Variants in CAMK4 observed in about 807,000 individuals in gnomAD.
CAMK4 encodes calcium/calmodulin dependent protein kinase IV, also known as calcium/calmodulin-dependent protein kinase type IV.
Under a neutral mutation model 44.9 loss-of-function variants are expected in CAMK4, and 22 were observed. That is an observed-to-expected ratio of 0.49 (90% CI 0.35 to 0.70). The LOEUF (loss-of-function observed/expected upper bound fraction) is 0.70, where lower values mean the gene tolerates loss of function less well. Among genes scored for constraint, CAMK4 ranks in the 30% least tolerant of loss-of-function variants. The pLI is 0.01. For missense variants in CAMK4, 498 were observed against 586.8 expected, an observed-to-expected ratio of 0.85 and a Z score of 1.56; for synonymous variants, 218 against 215.4, an observed-to-expected ratio of 1.01 and a Z score of -0.11.
intron 1 of CAMK4, among the ~76,000 whole-genome samples, chr5:111,236,442 T>C (rs1487780875): frequency 6.6e-6 from 1 of 152,266 alleles, no homozygotes; most frequent in Non-Finnish European, 1.5e-5. Context: ...TTCACAAGGA[T>C]GAGCCTGAGG....
chr5:111,419,359 G>A (rs1752936011), intron 5 of CAMK4, among the ~76,000 whole-genome samples: 1 of 152,148 alleles, frequency 6.6e-6, no homozygotes, highest in South Asian at 2.1e-4. Context: ...TGTCAGATGA[G>A]TAGGTTGTGA....
At chr5:111,407,074 C>A (rs1372455388) in intron 5 of CAMK4, among the ~76,000 whole-genome samples, 1 of 152,076 alleles carries the variant, frequency 6.6e-6, no homozygotes, top group East Asian at 1.9e-4. Context: ...AAACACAAGG[C>A]CGGGTGCGAT....
At chr5:111,241,939 A>T (rs1749010319) in intron 1 of CAMK4, among the ~76,000 whole-genome samples, 1 of 152,216 alleles carries the variant, frequency 6.6e-6, no homozygotes, top group African/African-American at 2.4e-5. Flanking sequence ...AGCTCTAGGC[A>T]ATAACTGATT....
At chr5:111,361,054 A>G (rs572034746) in intron 2 of CAMK4, among the ~76,000 whole-genome samples, 5 of 152,196 alleles carry the variant, frequency 3.3e-5, no homozygotes, top group Admixed American at 6.6e-5. Flanking sequence ...TTTAGCATTC[A>G]TGAACAACAT....
chr5:111,419,298 T>G (rs1365438505), intron 5 of CAMK4, among the ~76,000 whole-genome samples: 1 of 152,220 alleles, frequency 6.6e-6, no homozygotes, highest in Non-Finnish European at 1.5e-5. Flanking sequence ...TTGTTTGTTT[T>G]TTTCTTGTAA....
intron 2 of CAMK4, among the ~76,000 whole-genome samples, chr5:111,366,631 T>C (rs115895915): frequency 6.6e-6 from 1 of 152,284 alleles, no homozygotes; most frequent in African/African-American, 2.4e-5. Context: ...CAAGAGTGTT[T>C]ATTTGCTGCA....
chr5:111,415,061 G>A (rs930027379), intron 5 of CAMK4, among the ~76,000 whole-genome samples: 2 of 152,156 alleles, frequency 1.3e-5, no homozygotes, highest in African/African-American at 4.8e-5. Flanking sequence ...ATATAAAAAT[G>A]TTGTACAGTG....
At chr5:111,330,638 A>ATAGAT (rs1310778188) in intron 1 of CAMK4, among the ~76,000 whole-genome samples, 1 of 151,722 alleles carries the variant, frequency 6.6e-6, no homozygotes, top group Non-Finnish European at 1.5e-5. Flanking sequence ...GGGAATGTGC[A>ATAGAT]TAGATTATAT....
intron 1 of CAMK4, among the ~76,000 whole-genome samples, chr5:111,235,144 A>G (rs1748657017): frequency 6.6e-6 from 1 of 152,142 alleles, no homozygotes; most frequent in Non-Finnish European, 1.5e-5. Context: ...TGAAGGGACA[A>G]TTCATGACTA....
At chr5:111,335,805 T>A (rs1319798112) in intron 1 of CAMK4, among the ~76,000 whole-genome samples, 1 of 151,436 alleles carries the variant, frequency 6.6e-6, no homozygotes, top group Non-Finnish European at 1.5e-5. Context: ...ATTTTGTATA[T>A]GTATGTACAC....
chr5:111,249,223 C>T (rs2112536522), intron 1 of CAMK4, among the ~76,000 whole-genome samples: 1 of 152,202 alleles, frequency 6.6e-6, no homozygotes, highest in Admixed American at 6.5e-5. Context: ...AAAGCCTTCT[C>T]TTCATCAAAT....
At chr5:111,264,612 G>A (rs1490078910) in intron 1 of CAMK4, among the ~76,000 whole-genome samples, 2 of 152,098 alleles carry the variant, frequency 1.3e-5, no homozygotes, top group African/African-American at 4.8e-5. Flanking sequence ...CAGTACTGAG[G>A]AAAATTCACT....
chr5:111,449,189 C>G lies in CAMK4; in HGVS notation c.611C>G (p.Thr204Ser). Residue 204 changes from threonine to serine, a missense_variant, in exon 7 of 11, where the codon ACC becomes AGC. Coordinates refer to ENST00000282356, the MANE Select transcript of CAMK4 (RefSeq NM_001744.6). ...HQVLMKTVCG[T>S]PGYCAPEILR... The stretch of plus-strand genomic sequence containing the variant: ...GTGCTCATGAAGACAGTATGTGGAA[C>G]CCCAGGGTACTGCGGTATGCTCTTT... The G allele has an allele frequency of 6.5e-7, 1 of 1,533,542 alleles. No homozygotes were observed. Among genetic ancestry groups the G allele is most frequent in the Non-Finnish European group, 9.0e-7 (1 of 1,110,206 alleles). 95.0% of individuals were successfully genotyped at this position (1,533,542 alleles called of 1,614,324 possible).
chr5:111,349,229 A>G (rs977006218), intron 2 of CAMK4, among the ~76,000 whole-genome samples: 2 of 151,946 alleles, frequency 1.3e-5, no homozygotes, highest in African/African-American at 2.4e-5. Context: ...CATGCATGCT[A>G]CATTATCTTG....
chr5:111,352,789 C>G (rs1224462819), intron 2 of CAMK4, among the ~76,000 whole-genome samples: 1 of 151,968 alleles, frequency 6.6e-6, no homozygotes, highest in Admixed American at 6.6e-5. Context: ...AATGGTGCAC[C>G]ATCATCCAAA....
intron 2 of CAMK4, among the ~76,000 whole-genome samples, chr5:111,349,500 G>T (rs891260013): frequency 1.3e-5 from 2 of 151,858 alleles, no homozygotes; most frequent in African/African-American, 4.8e-5. Flanking sequence ...GTTGTTAAAT[G>T]ATGAACTTAA....
At chr5:111,286,216 A>G (rs532491906) in intron 1 of CAMK4, among the ~76,000 whole-genome samples, 15 of 152,314 alleles carry the variant, frequency 9.8e-5, no homozygotes, top group Admixed American at 9.8e-4. Context: ...TTTCACCATC[A>G]TAATCACCCT....
rs1198612141 is a variant in CAMK4, at chr5:111,489,057, C to T, written c.*4591C>T. Reference sequence around the variant, plus strand: ...AGTAGTTGAGCATTTACTGGTTGAACATTGTTTAATGGTTAGATGTTATGT... The same window carrying T: ...AGTAGTTGAGCATTTACTGGTTGAATATTGTTTAATGGTTAGATGTTATGT... On this transcript the variant is annotated 3_prime_UTR_variant, in exon 11 of 11. Coordinates refer to ENST00000282356, the MANE Select transcript of CAMK4 (RefSeq NM_001744.6). 1 of 152,104 alleles carries T rather than the reference C, an allele frequency of 6.6e-6. No individual in the cohort carries two copies. Among genetic ancestry groups the T allele is most frequent in the Non-Finnish European group, 1.5e-5 (1 of 68,028 alleles). The allele number at this position is 152,104 out of a possible 1,614,324, so 9.4% of individuals were successfully genotyped here. A position where few individuals can be genotyped will look rare whatever the true frequency, so the allele number is the denominator to read the frequency against.
At chr5:111,315,922 G>A (rs1748403213) in intron 1 of CAMK4, among the ~76,000 whole-genome samples, 2 of 152,084 alleles carry the variant, frequency 1.3e-5, no homozygotes, top group African/African-American at 4.8e-5. Context: ...TAGGATTGAA[G>A]TTACAGAGGG....
Sources: allele counts gnomAD v4.1 joint callset (sites outside exome capture counted in the v4.1 genomes callset), GRCh38; gene constraint gnomAD v4.1.1; transcripts MANE v1.5; gene names NCBI Gene and HGNC (gene_info 2026-07-23, HGNC 2026-07-21).